Variants in KIAA1217 observed in about 807,000 individuals in gnomAD.
KIAA1217 encodes the protein KIAA1217.
In KIAA1217, 88 loss-of-function variants were observed where a neutral mutation model predicts 163.9. That is an observed-to-expected ratio of 0.54 (90% CI 0.45 to 0.64). The LOEUF (loss-of-function observed/expected upper bound fraction) is 0.64. KIAA1217 is among the 30% of genes least tolerant of loss of function. KIAA1217 has a pLI of 0.00. For synonymous variants in KIAA1217, 903 were observed against 923.1 expected (o/e 0.98, Z 0.39); for missense variants, 2,372 against 2,475.0 (o/e 0.96, Z 0.88).
chr10:24,521,940 C>T lies in KIAA1217; in HGVS notation c.2456+11C>T, dbSNP rs2071352907. 1.9e-6 allele frequency: 3 copies of T among 1,599,730 alleles called. No homozygotes were observed. The highest frequency in any genetic ancestry group is 2.6e-6 in the Non-Finnish European group (3 of 1,171,952). ...GACCATGCTGCGGAGGTGACCGGGC[C>T]CTCATCGTGCTGGGGGTGGCCTGCG... On this transcript the variant is annotated intron_variant, in intron 12 of 20. Coordinates refer to ENST00000376454, the MANE Select transcript of KIAA1217 (RefSeq NM_019590.5).
At chr10:24,449,940 A>G (rs966484189) in intron 5 of KIAA1217, among the ~76,000 whole-genome samples, 1 of 152,098 alleles carries the variant, frequency 6.6e-6, no homozygotes, top group Non-Finnish European at 1.5e-5. Flanking sequence ...TCTCTTTGTT[A>G]TTGACATTAT....
At chr10:23,845,760 CT>C (rs1838996565) in intron 1 of KIAA1217, among the ~76,000 whole-genome samples, 1 of 152,096 alleles carries the variant, frequency 6.6e-6, no homozygotes, top group South Asian at 2.1e-4. Context: ...TCAATTTTGC[CT>C]TTTGTTGCCA....
chr10:24,067,750 A>G (rs1260078077), intron 2 of KIAA1217, among the ~76,000 whole-genome samples: 1 of 152,234 alleles, frequency 6.6e-6, no homozygotes, highest in African/African-American at 2.4e-5. Context: ...GGTGGAGCCT[A>G]CAGAGGCAGG....
chr10:24,240,735 T>G (rs1268087628), intron 2 of KIAA1217, among the ~76,000 whole-genome samples: 1 of 152,222 alleles, frequency 6.6e-6, no homozygotes, highest in Non-Finnish European at 1.5e-5. Flanking sequence ...ATGTTCCAAA[T>G]GTTAATGATT....
At chr10:24,286,879 A>G (rs991822226) in intron 2 of KIAA1217, among the ~76,000 whole-genome samples, 1 of 152,120 alleles carries the variant, frequency 6.6e-6, no homozygotes, top group African/African-American at 2.4e-5. Flanking sequence ...ACCTGGTGCT[A>G]ATTGGAAAGG....
intron 1 of KIAA1217, among the ~76,000 whole-genome samples, chr10:23,991,608 T>C (rs999790946): frequency 2.0e-5 from 3 of 152,234 alleles, no homozygotes; most frequent in Admixed American, 6.5e-5. Context: ...TATGTTCATA[T>C]GTTCAGATAT....
intron 2 of KIAA1217, among the ~76,000 whole-genome samples, chr10:24,245,649 C>T (rs548465650): frequency 1.2e-4 from 19 of 152,060 alleles, no homozygotes; most frequent in African/African-American, 2.9e-4. Flanking sequence ...TTTTCCTTTC[C>T]GAGACAAGGT....
At chr10:23,706,769 A>G (rs555385797) in intron 1 of KIAA1217, among the ~76,000 whole-genome samples, 5 of 152,120 alleles carry the variant, frequency 3.3e-5, no homozygotes, top group African/African-American at 1.2e-4. Context: ...TTCTCCTTCT[A>G]TTTTTCATTC....
chr10:24,155,327 A>G (rs2064825908), intron 2 of KIAA1217, among the ~76,000 whole-genome samples: 1 of 152,144 alleles, frequency 6.6e-6, no homozygotes, highest in African/African-American at 2.4e-5. Flanking sequence ...GATCCACAGA[A>G]CCCTAGTTAG....
intron 2 of KIAA1217, among the ~76,000 whole-genome samples, chr10:24,115,048 C>T (rs2062998194): frequency 6.6e-6 from 1 of 152,230 alleles, no homozygotes; most frequent in South Asian, 2.1e-4. Flanking sequence ...AAATCCCCAC[C>T]TCAGCCCAGT....
Position 23,894,202 on chromosome 10 carries a change from C to T in KIAA1217, c.-320-113023C>T, listed in dbSNP as rs1356485588. On this transcript the variant is annotated intron_variant, in intron 1 of 18. Coordinates refer to the KIAA1217 transcript ENST00000376462. ...TTAGGAAAAGAGGAAGTCAAATTGT[C>T]CCTGTTTGCAGATGACATGATTGTA... Among the ~76,000 whole-genome samples the T allele has an allele frequency of 6.7e-5, 9 of 134,828 alleles. No homozygotes were observed. The Admixed American group carries it at 6.8e-4, about 10-fold the overall frequency. 88.5% of individuals were successfully genotyped at this position (134,828 alleles called of 152,430 possible).
In KIAA1217 at chr10:24,545,462, C is replaced by T. The variant is rs1241464615; in HGVS notation, c.5334+359C>T. 4.7e-6 allele frequency: 6 copies of T among 1,277,676 alleles called. No individual in the cohort carries two copies. The Admixed American group carries it at 1.1e-4, about 23-fold the overall frequency. 79.1% of individuals were successfully genotyped at this position (1,277,676 alleles called of 1,614,324 possible). A position where few individuals can be genotyped will look rare whatever the true frequency, so the allele number is the denominator to read the frequency against. ...CTGCCCTTAACGTCACCACTACTAA[C>T]GTCTATGTTGACTGTATTGTGTTAG... On this transcript the variant is annotated intron_variant, in intron 20 of 20. Coordinates refer to ENST00000376454, the MANE Select transcript of KIAA1217 (RefSeq NM_019590.5).
chr10:24,351,404 TATGGCAC>T (rs1218339293), intron 2 of KIAA1217, among the ~76,000 whole-genome samples: 2 of 152,218 alleles, frequency 1.3e-5, no homozygotes, highest in Admixed American at 1.3e-4. Flanking sequence ...CCATGCCCTT[TATGGCAC>T]ATCCAAGGTC....
At chr10:24,451,794 G>A (rs1442261911) in intron 5 of KIAA1217, among the ~76,000 whole-genome samples, 1 of 152,156 alleles carries the variant, frequency 6.6e-6, no homozygotes, top group Non-Finnish European at 1.5e-5. Context: ...ATAGGTGTTG[G>A]CGGAGATTGC....
At chr10:24,080,528 C>T (rs986079643) in intron 2 of KIAA1217, among the ~76,000 whole-genome samples, 6 of 152,142 alleles carry the variant, frequency 3.9e-5, no homozygotes, top group Admixed American at 1.3e-4. Flanking sequence ...ACTAGAAGCT[C>T]CCCTTGTGAT....
chr10:23,738,386 C>T (rs1347285991), intron 1 of KIAA1217, among the ~76,000 whole-genome samples: 1 of 152,140 alleles, frequency 6.6e-6, no homozygotes, highest in Non-Finnish European at 1.5e-5. Context: ...GAAGGTTTGG[C>T]ATTTAAATAT....
intron 2 of KIAA1217, among the ~76,000 whole-genome samples, chr10:24,130,642 A>G (rs890411683): frequency 1.3e-5 from 2 of 152,290 alleles, no homozygotes; most frequent in Admixed American, 1.3e-4. Context: ...ACTATCCCAA[A>G]CAGATGTATT....
In KIAA1217 at chr10:24,082,019, A is replaced by G. The variant is rs577209941; in HGVS notation, c.-171+74645A>G. 5.3e-5 allele frequency among the ~76,000 whole-genome samples: 8 copies of G among 152,250 alleles called. No individual in the cohort carries two copies. The South Asian group carries it at 1.7e-3, about 32-fold the overall frequency. On this transcript the variant is annotated intron_variant, in intron 2 of 18. Coordinates refer to the KIAA1217 transcript ENST00000376462. ...AAATCTGCTAACCAGTTAAGATGGGACTCAATCTGGCATTCATGTCGCTGG... is the reference window on the plus strand; with the variant it reads ...AAATCTGCTAACCAGTTAAGATGGGGCTCAATCTGGCATTCATGTCGCTGG...
intron 1 of KIAA1217, among the ~76,000 whole-genome samples, chr10:23,823,318 G>T (rs1302126509): frequency 6.6e-6 from 1 of 152,230 alleles, no homozygotes; most frequent in Admixed American, 6.5e-5. Context: ...GGCTCCCAGA[G>T]GCTCCCTCTG....
Sources: allele counts gnomAD v4.1 joint callset (sites outside exome capture counted in the v4.1 genomes callset), GRCh38; gene constraint gnomAD v4.1.1; transcripts MANE v1.5; gene names NCBI Gene and HGNC (gene_info 2026-07-23, HGNC 2026-07-21).